The following CDKL3 variants were observed in gnomAD, a reference collection of about 807,000 sequenced individuals.
CDKL3 encodes the protein cyclin dependent kinase like 3.
In CDKL3, 65 loss-of-function variants were observed where a neutral mutation model predicts 69.3. The observed-to-expected ratio is 0.94, with a 90% CI of 0.77 to 1.15. The LOEUF is 1.15. CDKL3 is among the 50% of genes most tolerant of loss of function. CDKL3 has a pLI of 0.00. For synonymous variants in CDKL3, 202 were observed against 221.6 expected (o/e 0.91, Z 0.79); for missense variants, 652 against 689.2 (o/e 0.95, Z 0.61).
intron 4 of CDKL3, among the ~76,000 whole-genome samples, chr5:134,341,188 A>G (rs1750398296): frequency 6.6e-6 from 1 of 152,176 alleles, no homozygotes; most frequent in Non-Finnish European, 1.5e-5. Context: ...ATAAAAGGAA[A>G]CTTCCCCAAC....
chr5:134,366,976 C>A lies in CDKL3; in HGVS notation c.-22+1G>T, dbSNP rs568962525. 9 of 989,610 alleles carry A rather than the reference C, an allele frequency of 9.1e-6. No individual in the cohort carries two copies. Among genetic ancestry groups the A allele is most frequent in the Admixed American group, 1.2e-4 (2 of 16,326 alleles). 61.3% of individuals were successfully genotyped at this position (989,610 alleles called of 1,614,324 possible). A position where few individuals can be genotyped will look rare whatever the true frequency, so the allele number is the denominator to read the frequency against. On this transcript the variant is annotated splice_donor_variant, in intron 1 of 12. Transcript: ENST00000265334. LOFTEE classifies it low-confidence loss of function (5UTR_SPLICE). ...AAACCACACGTCTTAGGATGCCGGA[C>A]CGGCGTCACGCCCCACGTCCCGCTG...
At chr5:134,367,564 G>A (rs562282803), upstream of CDKL3, among the ~76,000 whole-genome samples, 13 of 151,784 alleles carry the variant, frequency 8.6e-5, no homozygotes, top group Admixed American at 3.3e-4. Context: ...GTAGAGACGG[G>A]GTTTCTACCA....
chr5:134,369,790 C>T (rs1561672568), upstream of CDKL3, among the ~76,000 whole-genome samples: 2 of 152,088 alleles, frequency 1.3e-5, no homozygotes, highest in Admixed American at 6.6e-5. Flanking sequence ...TGGTCTTCAA[C>T]TCCTGGCCTC....
chr5:134,328,039 A>T (rs1005862866), intron 4 of CDKL3, among the ~76,000 whole-genome samples: 1 of 152,124 alleles, frequency 6.6e-6, no homozygotes, highest in African/African-American at 2.4e-5. Context: ...TCCCAGAAGG[A>T]GGGGTCCCAT....
chr5:134,310,403 G>C (rs548576186), intron 7 of CDKL3, among the ~76,000 whole-genome samples: 17 of 151,590 alleles, frequency 1.1e-4, no homozygotes, highest in Non-Finnish European at 2.4e-4. Flanking sequence ...CGTTAGTCAG[G>C]ATGGTCTTGA....
upstream of CDKL3, chr5:134,371,195 C>G (rs970013098): frequency 3.6e-6 from 1 of 279,338 alleles, no homozygotes; most frequent in Non-Finnish European, 6.9e-6. Flanking sequence ...TCTTTCTCCA[C>G]CCCGCCGAGC....
chr5:134,290,285 C>T (rs968304520), intron 8 of CDKL3, among the ~76,000 whole-genome samples: 1 of 129,440 alleles, frequency 7.7e-6, no homozygotes, highest in Non-Finnish European at 1.5e-5. Flanking sequence ...ACCAGGGAGT[C>T]GGGAAGTTGC....
At chr5:134,311,418 T>C (rs761822066) in intron 7 of CDKL3, among the ~76,000 whole-genome samples, 36 of 152,062 alleles carry the variant, frequency 2.4e-4, no homozygotes, top group Non-Finnish European at 3.2e-4. Context: ...GGCAGGAGAA[T>C]TGCTTGAACC....
intron 9 of CDKL3, 48 bp from the exon 10 acceptor site, chr5:134,306,750 CTTTT>C (rs11414446): frequency 2.3e-3 from 523 of 226,912 alleles, no homozygotes; most frequent in Admixed American, 4.0e-3. Flanking sequence ...CCCAGAAATG[CTTTT>C]TTTTTTTTTT....
chr5:134,326,387 CCTCTT>C (rs1210199779), intron 4 of CDKL3, among the ~76,000 whole-genome samples: 2 of 152,090 alleles, frequency 1.3e-5, no homozygotes, highest in Non-Finnish European at 2.9e-5. Flanking sequence ...GAAAACCTCT[CCTCTT>C]CACTTCAACC....
chr5:134,324,981 C>T (rs1273808205), intron 4 of CDKL3, among the ~76,000 whole-genome samples: 1 of 152,104 alleles, frequency 6.6e-6, no homozygotes, highest in Non-Finnish European at 1.5e-5. Context: ...CTTCTGGAGC[C>T]TAAAACTGGT....
chr5:134,316,034 C>T (rs914810707), intron 6 of CDKL3, among the ~76,000 whole-genome samples: 1 of 152,154 alleles, frequency 6.6e-6, no homozygotes, highest in Non-Finnish European at 1.5e-5. Context: ...TCACTGCAGC[C>T]TCAACCTCCC....
At chr5:134,308,505 G>T in intron 8 of CDKL3, 39 bp from the exon 9 acceptor site, 1 of 1,556,622 alleles carries the variant, frequency 6.4e-7, no homozygotes, top group Non-Finnish European at 8.6e-7. Flanking sequence ...CATCATAACA[G>T]TTATTTTTGT....
intron 8 of CDKL3, among the ~76,000 whole-genome samples, chr5:134,286,757 T>G (rs540599696): frequency 1.3e-5 from 2 of 152,270 alleles, no homozygotes; most frequent in African/African-American, 4.8e-5. Context: ...AGACTTACTA[T>G]TATGAGAACA....
intron 6 of CDKL3, among the ~76,000 whole-genome samples, chr5:134,316,295 T>C (rs1454354211): frequency 1.3e-5 from 2 of 152,106 alleles, no homozygotes; most frequent in African/African-American, 4.8e-5. Flanking sequence ...CAAATGCATA[T>C]AGACAAATAC....
intron 3 of CDKL3, among the ~76,000 whole-genome samples, chr5:134,351,515 G>A (rs951729426): frequency 8.5e-5 from 13 of 152,190 alleles, no homozygotes; most frequent in African/African-American, 3.1e-4. Context: ...CTGGGCTCAA[G>A]CAAGGAGCCT....
rs1561622926 is a variant in CDKL3 at position 134,350,445 on chromosome 5, T to C, written c.361-18A>G. 1.4e-6 allele frequency: 2 copies of C among 1,437,414 alleles called. No homozygotes were observed. The highest frequency in any genetic ancestry group is 1.9e-6 in the Non-Finnish European group (2 of 1,050,360). 89.0% of individuals were successfully genotyped at this position (1,437,414 alleles called of 1,614,324 possible). A position where few individuals can be genotyped will look rare whatever the true frequency, so the allele number is the denominator to read the frequency against. On this transcript the variant is annotated intron_variant, in intron 3 of 12. Coordinates refer to ENST00000265334, the MANE Select transcript of CDKL3 (RefSeq NM_001113575.2). ...TGAATGATCTAAAAAACAAACAGAA[T>C]ACAAAATACATTAAAATGAGATTTC...
chr5:134,371,102 ATTG>A (rs1758355326), upstream of CDKL3: 1 of 227,156 alleles, frequency 4.4e-6, no homozygotes, highest in South Asian at 5.2e-5. Context: ...TCAGGGGTGG[ATTG>A]TTGACAAGGC....
chr5:134,317,891 G>C (rs1260144443), intron 6 of CDKL3, among the ~76,000 whole-genome samples: 1 of 152,078 alleles, frequency 6.6e-6, no homozygotes, highest in Non-Finnish European at 1.5e-5. Flanking sequence ...CTGGGTGAAA[G>C]AGTGAGACCC....
Sources: gnomAD v4.1 joint callset for allele counts (sites outside exome capture counted in the v4.1 genomes callset) on GRCh38, gnomAD v4.1.1 for gene constraint, MANE v1.5 for transcripts, NCBI Gene and HGNC (gene_info 2026-07-23, HGNC 2026-07-21) for gene names.